The following EIF4G3 variants were observed in gnomAD, a reference collection of about 807,000 sequenced individuals.
EIF4G3 encodes eukaryotic translation initiation factor 4 gamma 3.
In EIF4G3, 34 loss-of-function variants were observed where a neutral mutation model predicts 186.4. That is an observed-to-expected ratio of 0.18 (90% CI 0.14 to 0.24). The LOEUF (loss-of-function observed/expected upper bound fraction) is 0.24. EIF4G3 is among the 10% of genes least tolerant of loss of function. The probability of loss-of-function intolerance (pLI) is 1.00; values close to 1 mark genes in which losing one functional copy is unlikely to be tolerated. For synonymous variants in EIF4G3, 673 were observed against 679.5 expected (o/e 0.99, Z 0.15); for missense variants, 1,536 against 1,948.5 (o/e 0.79, Z 3.99).
At chr1:20,927,896 C>T (rs1209774090) in intron 14 of EIF4G3, among the ~76,000 whole-genome samples, 1 of 152,114 alleles carries the variant, frequency 6.6e-6, no homozygotes, top group Non-Finnish European at 1.5e-5. Context: ...CTTACTCTGT[C>T]ACCCAGGCTG....
intron 18 of EIF4G3, chr1:20,892,639 T>C (rs1405099835): frequency 6.5e-7 from 1 of 1,535,700 alleles, no homozygotes; most frequent in East Asian, 2.4e-5. Context: ...AGGCTCTTCA[T>C]GGGTGGGTGT....
At chr1:21,132,204 T>C (rs1323730251) in intron 2 of EIF4G3, among the ~76,000 whole-genome samples, 2 of 152,100 alleles carry the variant, frequency 1.3e-5, no homozygotes, top group South Asian at 2.1e-4. Flanking sequence ...AACTGAGAGA[T>C]TCAAACATTT....
chr1:21,011,843 G>A (rs2087208914), intron 4 of EIF4G3, among the ~76,000 whole-genome samples: 1 of 152,122 alleles, frequency 6.6e-6, no homozygotes, highest in Non-Finnish European at 1.5e-5. Flanking sequence ...CAGTTCAGAG[G>A]TAAATTAGTA....
intron 29 of EIF4G3, among the ~76,000 whole-genome samples, chr1:20,845,312 C>T (rs997591572): frequency 1.1e-4 from 16 of 152,230 alleles, no homozygotes; most frequent in Non-Finnish European, 2.1e-4. Flanking sequence ...TTCCACTGGT[C>T]TATGTGTCTG....
chr1:20,910,436 T>G (rs2093005395), intron 14 of EIF4G3, among the ~76,000 whole-genome samples: 1 of 151,928 alleles, frequency 6.6e-6, no homozygotes, highest in African/African-American at 2.4e-5. Flanking sequence ...ATACAAAAAT[T>G]AGCCAGGCGT....
chr1:21,171,712 C>A (rs1411689802), intron 2 of EIF4G3, among the ~76,000 whole-genome samples: 1 of 152,100 alleles, frequency 6.6e-6, no homozygotes, highest in Non-Finnish European at 1.5e-5. Context: ...AATTATAATT[C>A]AAGAAGGTCA....
At chr1:21,028,343 A>G (rs2092391516) in intron 4 of EIF4G3, among the ~76,000 whole-genome samples, 1 of 152,206 alleles carries the variant, frequency 6.6e-6, no homozygotes, top group African/African-American at 2.4e-5. Flanking sequence ...AAAGGTTCAG[A>G]GATAATAAAG....
intron 2 of EIF4G3, chr1:21,111,337 G>A: frequency 2.1e-6 from 1 of 471,488 alleles, no homozygotes; most frequent in Non-Finnish European, 4.4e-6. Context: ...GGAAAATGAT[G>A]TGATCGCTCC....
chr1:20,875,449 T>A (rs2080476577), intron 20 of EIF4G3, among the ~76,000 whole-genome samples: 1 of 152,216 alleles, frequency 6.6e-6, no homozygotes, highest in Admixed American at 6.6e-5. Context: ...GACAACTGTT[T>A]AACAGTAATT....
intron 4 of EIF4G3, chr1:21,003,595 C>A (rs1199241376): frequency 1.3e-5 from 4 of 302,544 alleles, no homozygotes; most frequent in Admixed American, 3.8e-5. Flanking sequence ...CTTGCCTCTT[C>A]AAGGTCCATG....
chr1:21,015,368 G>GT (rs2088640525), intron 4 of EIF4G3, among the ~76,000 whole-genome samples: 1 of 151,856 alleles, frequency 6.6e-6, no homozygotes, highest in Non-Finnish European at 1.5e-5. Flanking sequence ...AAAATAATGG[G>GT]GGAAAACTTC....
chr1:20,998,772 T>C, intron 6 of EIF4G3: 1 of 376,948 alleles, frequency 2.7e-6, no homozygotes, highest in Non-Finnish European at 5.3e-6. Context: ...GCTATTGTAA[T>C]GTTAACCACT....
intron 24 of EIF4G3, among the ~76,000 whole-genome samples, chr1:20,859,001 A>G (rs1049014351): frequency 6.6e-6 from 1 of 152,212 alleles, no homozygotes; most frequent in Non-Finnish European, 1.5e-5. Context: ...TCTCAAAAAA[A>G]AATACTTGCT....
At chr1:21,176,382 G>A (rs2098107313) in intron 1 of EIF4G3, 24 bp from the exon 2 acceptor site, 2 of 257,386 alleles carry the variant, frequency 7.8e-6, no homozygotes, top group East Asian at 7.3e-5. Flanking sequence ...CGGTTTCTGC[G>A]GTAAACTCAT....
intron 19 of EIF4G3, among the ~76,000 whole-genome samples, chr1:20,885,065 G>A (rs573580412): frequency 6.6e-6 from 1 of 152,310 alleles, no homozygotes; most frequent in South Asian, 2.1e-4. Context: ...CCACTCCTAT[G>A]AGAATCTGGG....
rs2074377007 is a variant in EIF4G3, at chr1:20,854,712, T to TAAATAAATAA, written c.3433+265_3433+266insTTATTTATTT. ...AGAGCGGGATCCCATCTCAAAAATA[T>TAAATAAATAA]ATAAATAAATAAATAAATAAATAAA... On this transcript the variant is annotated intron_variant, in intron 26 of 36. Coordinates refer to ENST00000602326, the MANE Select transcript of EIF4G3 (RefSeq NM_001391906.1). Among the ~76,000 whole-genome samples, 3 of 147,958 alleles carry TAAATAAATAA rather than the reference T, an allele frequency of 2.0e-5. No individual in the cohort carries two copies. The South Asian group carries it at 6.5e-4, about 32-fold the overall frequency.
chr1:20,980,724 G>C (rs2077763523), intron 9 of EIF4G3, among the ~76,000 whole-genome samples: 1 of 152,170 alleles, frequency 6.6e-6, no homozygotes. Flanking sequence ...TCTCAGGCTA[G>C]TAGCTTTTCA....
At chr1:20,912,036 G>A (rs922714937) in intron 14 of EIF4G3, among the ~76,000 whole-genome samples, 3 of 152,132 alleles carry the variant, frequency 2.0e-5, no homozygotes, top group Non-Finnish European at 4.4e-5. Context: ...ATGCCACCAT[G>A]AGGTCAAGAT....
intron 4 of EIF4G3, chr1:21,003,841 G>T: frequency 2.8e-6 from 1 of 353,552 alleles, no homozygotes; most frequent in South Asian, 2.3e-5. Flanking sequence ...GTTAGAAACA[G>T]GAAAGCATGA....
Sources: gnomAD v4.1 joint callset for allele counts (sites outside exome capture counted in the v4.1 genomes callset) on GRCh38, gnomAD v4.1.1 for gene constraint, MANE v1.5 for transcripts, NCBI Gene and HGNC (gene_info 2026-07-23, HGNC 2026-07-21) for gene names.